SCOC: variants seen among roughly 807,000 people sequenced by gnomAD.
The protein encoded by SCOC is short coiled coil protein.
A neutral mutation model predicts 9.9 loss-of-function variants in SCOC; 7 were observed. That is an observed-to-expected ratio of 0.71 (90% CI 0.40 to 1.33). The LOEUF is 1.33. SCOC is among the 40% of genes most tolerant of loss of function. SCOC has a pLI of 0.01. For missense variants in SCOC, 66 were observed against 89.7 expected (o/e 0.74, Z 1.07); for synonymous variants, 19 against 28.2 (o/e 0.67, Z 1.03).
chr4:140,305,961 C>A (rs1265812056), intron 1 of SCOC, among the ~76,000 whole-genome samples: 1 of 152,336 alleles, frequency 6.6e-6, no homozygotes, highest in South Asian at 2.1e-4. Flanking sequence ...CTTCCTGGGA[C>A]TTCCCTTCTA....
At chr4:140,373,981 C>T in intron 1 of SCOC, 4 of 647,508 alleles carry the variant, frequency 6.2e-6, no homozygotes, top group South Asian at 1.5e-5. Flanking sequence ...GTCCCTGACG[C>T]AGACATCGTG....
At chr4:140,366,280 C>A (rs1427765102) in intron 2 of SCOC, 9 of 1,387,392 alleles carry the variant, frequency 6.5e-6, no homozygotes, top group African/African-American at 2.9e-5. Context: ...TGGGCTGGAG[C>A]TTTTTGACCC....
chr4:140,283,474 G>A (rs1184379699), intron 1 of SCOC, among the ~76,000 whole-genome samples: 2 of 151,580 alleles, frequency 1.3e-5, no homozygotes, highest in South Asian at 4.2e-4. Flanking sequence ...TTTTTTAAAT[G>A]TCCTTCTGAA....
At position 140,279,208 on chromosome 4, in the gene SCOC, G is replaced by T. The variant is rs1282656128; in HGVS notation, c.-19+21798G>T. On this transcript the variant is annotated intron_variant, in intron 1 of 4. Transcript: ENST00000394205. The stretch of plus-strand genomic sequence containing the variant: ...AGTTCTTCTATTCCTTTAGGGTGCA[G>T]TTCAAGCACATGAGCTCAGGAAAGC... 2.0e-5 allele frequency among the ~76,000 whole-genome samples: 3 copies of T among 152,182 alleles called. No homozygotes were observed. In the East Asian group the frequency reaches 5.8e-4, roughly 29 times the overall value.
At chr4:140,359,111 G>A (rs1727353802) in intron 2 of SCOC, among the ~76,000 whole-genome samples, 1 of 100,742 alleles carries the variant, frequency 9.9e-6, no homozygotes. Context: ...GAGCGACAGC[G>A]TTTCATTTTG....
chr4:140,379,530 A>G, intron 2 of SCOC, 39 bp from the exon 3 acceptor site: 1 of 1,402,598 alleles, frequency 7.1e-7, no homozygotes. Flanking sequence ...AAATGTACCT[A>G]ATGCTAATTA....
rs1322762065 is a variant in SCOC, at chr4:140,381,463, A to G, written c.*359A>G. 3.7e-5 allele frequency: 6 copies of G among 160,920 alleles called. No homozygotes were observed. The highest frequency in any genetic ancestry group is 3.2e-4 in the Admixed American group (5 of 15,418). 10.0% of individuals were successfully genotyped at this position (160,920 alleles called of 1,614,324 possible). On this transcript the variant is annotated 3_prime_UTR_variant, in exon 4 of 4. Coordinates refer to ENST00000608372, the MANE Select transcript of SCOC (RefSeq NM_001153484.2). ...TGTGAAAAAGTGACCAAAATCATGT[A>G]CTAAATGCACAGCTTTATGTACCCT...
chr4:140,286,955 G>A lies in SCOC; in HGVS notation c.-19+29545G>A, dbSNP rs902421408. On this transcript the variant is annotated intron_variant, in intron 1 of 4. Transcript: ENST00000394205. The stretch of plus-strand genomic sequence containing the variant: ...AGCTGGAAGACCACACACACACCAC[G>A]AACACATACGACATACACACATCAT... 5.3e-5 allele frequency among the ~76,000 whole-genome samples: 8 copies of A among 152,126 alleles called. No homozygotes were observed. In the East Asian group the frequency reaches 1.4e-3, roughly 26 times the overall value.
At chr4:140,380,857 T>G in intron 3 of SCOC, 105 bp from the exon 4 acceptor site, 1 of 883,804 alleles carries the variant, frequency 1.1e-6, no homozygotes, top group Non-Finnish European at 1.6e-6. Context: ...ATTCTTAAAA[T>G]TTAAGGATTG....
chr4:140,306,559 A>G (rs1731994053), intron 1 of SCOC, among the ~76,000 whole-genome samples: 1 of 152,126 alleles, frequency 6.6e-6, no homozygotes, highest in East Asian at 1.9e-4. Context: ...AACTAGAGGT[A>G]TCAAGGAGAT....
At chr4:140,262,622 T>A (rs958905135) in intron 1 of SCOC, among the ~76,000 whole-genome samples, 10 of 152,176 alleles carry the variant, frequency 6.6e-5, no homozygotes, top group Non-Finnish European at 1.3e-4. Flanking sequence ...GAAATAGCTA[T>A]GAGAGAACGT....
chr4:140,314,128 AAG>A, intron 1 of SCOC: 11 of 165,260 alleles, frequency 6.7e-5, no homozygotes, highest in South Asian at 4.7e-4. Context: ...AAAAAAAAAA[AAG>A]AATGCATATG....
intron 2 of SCOC, among the ~76,000 whole-genome samples, chr4:140,349,994 T>C (rs907785923): frequency 5.3e-5 from 8 of 152,218 alleles, no homozygotes; most frequent in Non-Finnish European, 1.2e-4. Context: ...TGTCATTTCC[T>C]GCCACACCAT....
chr4:140,366,976 T>C, intron 2 of SCOC: 7 of 449,718 alleles, frequency 1.6e-5, no homozygotes, highest in Non-Finnish European at 2.9e-5. Flanking sequence ...GAGGCCCAGG[T>C]GGGTGGATCG....
chr4:140,265,631 C>T (rs73858124), intron 1 of SCOC, among the ~76,000 whole-genome samples: 7,630 of 152,254 alleles, frequency 0.05, 575 homozygotes, highest in African/African-American at 0.16. Flanking sequence ...GTTTAAACAT[C>T]TGGCCACATT....
intron 2 of SCOC, among the ~76,000 whole-genome samples, chr4:140,355,211 T>TTATATATATATATATATATATA (rs34322076): frequency 6.5e-5 from 4 of 61,414 alleles, no homozygotes; most frequent in Non-Finnish European, 4.1e-5. Context: ...CATTATATTT[T>TTATATATATATATATATATATA]TATATATATA....
At chr4:140,376,264 T>A (rs1728338987) in intron 1 of SCOC, among the ~76,000 whole-genome samples, 1 of 152,220 alleles carries the variant, frequency 6.6e-6, no homozygotes, top group Admixed American at 6.5e-5. Context: ...CAAATCAGTT[T>A]ATTGCCCTAA....
intron 2 of SCOC, among the ~76,000 whole-genome samples, chr4:140,346,903 G>A (rs983775702): frequency 6.6e-6 from 1 of 152,076 alleles, no homozygotes; most frequent in African/African-American, 2.4e-5. Flanking sequence ...ACTACTGGCT[G>A]GTGGTCACTC....
chr4:140,341,645 C>G (rs1726514351), upstream of SCOC, among the ~76,000 whole-genome samples: 2 of 152,134 alleles, frequency 1.3e-5, no homozygotes, highest in South Asian at 4.1e-4. Context: ...TACAGAGTTG[C>G]TAGAAAAAGC....
Sources: gnomAD v4.1 joint callset for allele counts (sites outside exome capture counted in the v4.1 genomes callset) on GRCh38, gnomAD v4.1.1 for gene constraint, MANE v1.5 for transcripts, NCBI Gene and HGNC (gene_info 2026-07-23, HGNC 2026-07-21) for gene names.